The following GRIPAP1 variants were observed in gnomAD, a reference collection of about 807,000 sequenced individuals.
GRIPAP1 encodes GRIP1-associated protein 1.
In GRIPAP1, 14 loss-of-function variants were observed where a neutral mutation model predicts 84.1. The ratio of observed to expected loss-of-function variants is 0.17; its 90% CI spans 0.11 to 0.26. GRIPAP1 has a LOEUF of 0.26. Ranked by LOEUF, GRIPAP1 falls within the 10% of genes least tolerant of loss-of-function variation. The pLI is 1.00. For missense variants in GRIPAP1, 518 were observed against 674.2 expected, an observed-to-expected ratio of 0.77 and a Z score of 2.57; for synonymous variants, 261 against 256.8, an observed-to-expected ratio of 1.02 and a Z score of -0.15.
intron 11 of GRIPAP1, chrX:48,988,474 T>A (rs887773232): frequency 3.5e-5 from 12 of 340,622 alleles, no homozygotes; most frequent in African/African-American, 3.1e-4. Context: ...TCAGCTCCCA[T>A]CCATAAGAAG....
intron 8 of GRIPAP1, 76 bp from the exon 9 acceptor site, chrX:48,990,079 A>C: frequency 1.2e-6 from 1 of 812,927 alleles, no homozygotes; most frequent in African/African-American, 2.1e-5. Flanking sequence ...AAATATAGAC[A>C]CTTCTTATTA....
At chrX:49,000,473 T>C (rs1293311798) in intron 1 of GRIPAP1, 2 of 106,996 alleles carry the variant, frequency 1.9e-5, no homozygotes, top group Non-Finnish European at 3.8e-5. Context: ...GGCAGATCAC[T>C]TGAGGTCAGG....
chrX:48,991,982 A>G (rs2064523087), intron 6 of GRIPAP1, among the ~76,000 whole-genome samples: 1 of 111,391 alleles, frequency 9.0e-6, no homozygotes. Context: ...CACCATGCCC[A>G]GTTAATTTTA....
At chrX:48,984,655 C>CA (rs1193070183) in intron 14 of GRIPAP1, among the ~76,000 whole-genome samples, 1 of 94,725 alleles carries the variant, frequency 1.1e-5, no homozygotes, top group African/African-American at 4.1e-5. Flanking sequence ...GCGGAGGTTG[C>CA]AGTGAGCTGA....
chrX:49,000,063 C>A (rs1385249383), intron 1 of GRIPAP1, among the ~76,000 whole-genome samples: 6 of 110,363 alleles, frequency 5.4e-5, no homozygotes, highest in African/African-American at 2.0e-4. Flanking sequence ...ACATCCAGGC[C>A]CCCTTCAATA....
Position 49,002,231 on chromosome X carries a change from T to A in GRIPAP1, c.-2A>T, listed in dbSNP as rs1557068783. ...CTCCTCAGACAGAGCTTGCGCCATG[T>A]TCCTCCCCCCACCCCCCCGCCAGCT... On this transcript the variant is annotated 5_prime_UTR_variant, in exon 1 of 26. Transcript: ENST00000376423. 2 of 1,134,962 alleles carry A rather than the reference T, an allele frequency of 1.8e-6. No individual in the cohort carries two copies. Among genetic ancestry groups the A allele is most frequent in the Admixed American group, 4.6e-5 (2 of 43,414 alleles). 93.5% of individuals were successfully genotyped at this position (1,134,962 alleles called of 1,213,427 possible). A position where few individuals can be genotyped will look rare whatever the true frequency, so the allele number is the denominator to read the frequency against.
At chrX:48,989,584 G>C in intron 11 of GRIPAP1, 27 bp downstream of exon 11, 1 of 1,029,193 alleles carries the variant, frequency 9.7e-7, no homozygotes. Context: ...CCCTACCCCA[G>C]GGATCTCAGA....
intron 24 of GRIPAP1, 52 bp from the exon 25 acceptor site, chrX:48,975,361 C>G (rs782060473): frequency 1.8e-6 from 2 of 1,112,687 alleles, no homozygotes; most frequent in Admixed American, 5.2e-5. Flanking sequence ...AGAGGAGAGC[C>G]AGGCAGAGCC....
At chrX:48,988,306 G>T in intron 11 of GRIPAP1, 108 bp from the exon 12 acceptor site, 1 of 533,968 alleles carries the variant, frequency 1.9e-6, no homozygotes, top group Non-Finnish European at 3.2e-6. Context: ...AGCACCTGTG[G>T]GTCTCAGACT....
chrX:48,997,525 A>C (rs2064554097), intron 4 of GRIPAP1, 168 bp from the exon 5 acceptor site: 1 of 431,578 alleles, frequency 2.3e-6, no homozygotes. Context: ...AATGAGAGAC[A>C]GGGAAAGGAA....
rs782687156 is a variant in GRIPAP1 at position 49,002,249 on chromosome X, C to T, written c.-20G>A. 3 of 1,084,053 alleles carry T rather than the reference C, an allele frequency of 2.8e-6. No homozygotes were observed. The highest frequency in any genetic ancestry group is 2.5e-4 in the Middle Eastern group (1 of 4,001). The allele number at this position is 1,084,053 out of a possible 1,213,427, so 89.3% of individuals were successfully genotyped here. Reference sequence around the variant, plus strand: ...CGCCATGTTCCTCCCCCCACCCCCCCGCCAGCTTTCTGCGCAGACGCAGCT... The same window carrying T: ...CGCCATGTTCCTCCCCCCACCCCCCTGCCAGCTTTCTGCGCAGACGCAGCT... On this transcript the variant is annotated 5_prime_UTR_variant, in exon 1 of 26. Transcript: ENST00000376423.
rs781852940 is a variant in GRIPAP1, at chrX:48,981,375, C to T, written c.1830+41G>A. On this transcript the variant is annotated intron_variant, in intron 20 of 25. Coordinates refer to ENST00000376423, the MANE Select transcript of GRIPAP1 (RefSeq NM_020137.5). ...CAGTGGGCCCATAGGAGGGAGGCTA[C>T]AGGTAGGAGGGAGCCGTGCTTGGGC... 457 of 1,201,326 alleles carry T rather than the reference C, an allele frequency of 3.8e-4. 3 individuals carry two copies. The South Asian group carries it at 7.8e-3, about 21-fold the overall frequency.
chrX:48,989,664 C>T lies in GRIPAP1; in HGVS notation c.817G>A (p.Ala273Thr). ...LQQRKEADHK[A>T]QLARTQKLQQ... ...AGCTTCTGGGTTCGAGCCAACTGGGCTTTGTGATCAGCTTCCTTCCGTTGT... is the reference window on the plus strand; with the variant it reads ...AGCTTCTGGGTTCGAGCCAACTGGGTTTTGTGATCAGCTTCCTTCCGTTGT... The change falls in exon 11 of 26, where the codon GCC becomes ACC. Residue 273 changes from alanine to threonine, a missense_variant. Around this residue, in one of 5 missense-constraint regions of GRIPAP1, gnomAD observed 372 missense variants for 458.1 expected, o/e 0.81. Coordinates refer to ENST00000376423, the MANE Select transcript of GRIPAP1 (RefSeq NM_020137.5). 8.3e-7 allele frequency: 1 copy of T among 1,207,927 alleles called. No individual in the cohort carries two copies. The highest frequency in any genetic ancestry group is 1.8e-5 in the South Asian group (1 of 56,899).
At position 48,981,362 on chromosome X, in the gene GRIPAP1, A is replaced by C. The variant is rs782590412; in HGVS notation, c.1831-48T>G. 5 of 1,199,363 alleles carry C rather than the reference A, an allele frequency of 4.2e-6. No individual in the cohort carries two copies. In the South Asian group the frequency reaches 9.0e-5, roughly 21 times the overall value. ...GAGGACTGAGGCCCAGTGGGCCCAT[A>C]GGAGGGAGGCTACAGGTAGGAGGGA... On this transcript the variant is annotated intron_variant, in intron 20 of 25. Transcript: ENST00000376423.
chrX:48,989,150 C>T (rs1377318654), intron 11 of GRIPAP1, among the ~76,000 whole-genome samples: 1 of 111,541 alleles, frequency 9.0e-6, no homozygotes, highest in Non-Finnish European at 1.9e-5. Context: ...TGCACTCAGC[C>T]TTCAGCCCCA....
intron 13 of GRIPAP1, among the ~76,000 whole-genome samples, chrX:48,985,846 G>GGA (rs1168060849): frequency 9.1e-6 from 1 of 110,245 alleles, no homozygotes; most frequent in Non-Finnish European, 1.9e-5. Flanking sequence ...ATGGTGGCGG[G>GGA]GAGAGAGAGA....
chrX:48,975,227 G>A lies in GRIPAP1; in HGVS notation c.2361C>T (p.Asn787=). Residue 787 remains asparagine, a synonymous_variant, in exon 25 of 26, where the codon AAC becomes AAT. Coordinates refer to ENST00000376423, the MANE Select transcript of GRIPAP1 (RefSeq NM_020137.5). The part of the protein sequence containing the change: ...LRDLVKPGDE[N]LREMNKKLQN... ...GCAGCTTCTTGTTCATCTCCCGAAG[G>A]TTCTCGTCACCTGGCTTCACTAGGT... 8.3e-7 allele frequency: 1 copy of A among 1,210,683 alleles called. No individual in the cohort carries two copies. Among genetic ancestry groups the A allele is most frequent in the Non-Finnish European group, 1.1e-6 (1 of 894,666 alleles).
At chrX:48,981,060 C>T (rs2064453734) in intron 21 of GRIPAP1, among the ~76,000 whole-genome samples, 155 bp downstream of exon 21, 1 of 111,490 alleles carries the variant, frequency 9.0e-6, no homozygotes, top group Non-Finnish European at 1.9e-5. Flanking sequence ...GAGAAAGAAT[C>T]AGAGGAGAGA....
chrX:48,976,420 C>T, intron 22 of GRIPAP1, 57 bp from the exon 23 acceptor site: 1 of 1,153,729 alleles, frequency 8.7e-7, no homozygotes, highest in Non-Finnish European at 1.2e-6. Flanking sequence ...CGACCCCAGA[C>T]AGGTGTCAGG....
Sources: allele counts gnomAD v4.1 joint callset (sites outside exome capture counted in the v4.1 genomes callset), GRCh38; gene constraint gnomAD v4.1.1; regional missense constraint gnomAD v4.1.1; transcripts MANE v1.5; gene names NCBI Gene and HGNC (gene_info 2026-07-23, HGNC 2026-07-21).